Variants in ADGRD1 observed in about 807,000 individuals in gnomAD.
The protein encoded by ADGRD1 is adhesion G protein-coupled receptor D1.
Under a neutral mutation model 113.4 loss-of-function variants are expected in ADGRD1, and 77 were observed. That is an observed-to-expected ratio of 0.68 (90% confidence interval 0.57 to 0.82). The LOEUF is 0.82. ADGRD1 is among the 40% of genes least tolerant of loss of function. The pLI is 0.00. For synonymous variants in ADGRD1, 474 were observed against 475.0 expected (o/e 1.00, Z 0.03); for missense variants, 1,036 against 1,139.1 (o/e 0.91, Z 1.30).
intron 20 of ADGRD1, among the ~76,000 whole-genome samples, chr12:131,129,229 G>A (rs1464659791): frequency 1.5e-5 from 2 of 131,350 alleles, no homozygotes; most frequent in African/African-American, 2.9e-5. Context: ...GTCTGGGTGT[G>A]AGTGACAGGC....
chr12:131,007,804 G>A (rs1477520543), intron 12 of ADGRD1, among the ~76,000 whole-genome samples: 1 of 152,250 alleles, frequency 6.6e-6, no homozygotes, highest in Admixed American at 6.5e-5. Context: ...TTTTTCATTT[G>A]CAGTGAAGTT....
At chr12:131,106,650 G>A (rs535263769) in intron 17 of ADGRD1, among the ~76,000 whole-genome samples, 50 of 152,274 alleles carry the variant, frequency 3.3e-4, no homozygotes, top group Non-Finnish European at 6.3e-4. Flanking sequence ...CATGCCTAGC[G>A]GGTCAGCAGA....
chr12:130,987,428 C>G lies in ADGRD1; in HGVS notation c.745+79C>G. On this transcript the variant is annotated intron_variant, in intron 6 of 24. Coordinates refer to ENST00000261654, the MANE Select transcript of ADGRD1 (RefSeq NM_198827.5). ...CTGGTATCGGCCTCCTTTCTCCCCA[C>G]TCTCCCGTTGCAGCTATCAGCACTG... 5.9e-6 allele frequency: 9 copies of G among 1,535,396 alleles called. No homozygotes were observed. The South Asian group carries it at 9.4e-5, about 16-fold the overall frequency.
At position 131,084,688 on chromosome 12, in the gene ADGRD1, C is replaced by T. The variant is rs368653101; in HGVS notation, c.1671+25C>T. On this transcript the variant is annotated intron_variant, in intron 15 of 24. Coordinates refer to ENST00000261654, the MANE Select transcript of ADGRD1 (RefSeq NM_198827.5). The surrounding 1 kb of genome is among the most constrained non-coding windows in gnomAD (Gnocchi z 4.5). ...GGTAAGAGCCAGGCCTCAGGGGTCG[C>T]GGGACCTGGGGGACGTACCATGAGG... 1.6e-4 allele frequency: 251 copies of T among 1,612,534 alleles called. No homozygotes were observed. The highest frequency in any genetic ancestry group is 8.5e-4 in the East Asian group (38 of 44,836).
rs1275352256 is a variant in ADGRD1, at chr12:131,136,158, C to T, written c.2389C>T (p.Leu797=). The part of the protein sequence containing the change: ...FQYMFATLNS[L]QGLFIFLFHC... ...GTACATGTTTGCCACGCTCAACTCC[C>T]TGCAGGTGAGAGCCGCGGGGACTGG... Residue 797 remains leucine, a synonymous_variant, in exon 22 of 25, where the codon CTG becomes TTG. Coordinates refer to ENST00000261654, the MANE Select transcript of ADGRD1 (RefSeq NM_198827.5). 4 of 1,614,094 alleles carry T rather than the reference C, an allele frequency of 2.5e-6. No individual in the cohort carries two copies. The highest frequency in any genetic ancestry group is 1.6e-4 in the Middle Eastern group (1 of 6,062).
At chr12:131,090,506 C>T (rs1379539464) in intron 15 of ADGRD1, among the ~76,000 whole-genome samples, 1 of 152,156 alleles carries the variant, frequency 6.6e-6, no homozygotes, top group Non-Finnish European at 1.5e-5. Flanking sequence ...GCGGTTGTTT[C>T]GGGAAGCCCT....
chr12:130,983,992 A>T (rs952903044), intron 5 of ADGRD1, among the ~76,000 whole-genome samples: 6 of 152,166 alleles, frequency 3.9e-5, no homozygotes, highest in African/African-American at 1.4e-4. Context: ...ATGCTGGTTG[A>T]TGGAGGTTCC....
At chr12:131,092,294 A>G (rs1401657662) in intron 15 of ADGRD1, among the ~76,000 whole-genome samples, 1 of 152,194 alleles carries the variant, frequency 6.6e-6, no homozygotes, top group African/African-American at 2.4e-5. Flanking sequence ...GGTGCTGGGC[A>G]TGGGGACTGG....
chr12:131,134,363 G>T (rs754427482), intron 21 of ADGRD1, among the ~76,000 whole-genome samples: 1 of 152,228 alleles, frequency 6.6e-6, no homozygotes, highest in African/African-American at 2.4e-5. Flanking sequence ...AGCTCTGGCC[G>T]TGTTGAGAGT....
At chr12:131,121,120 C>T (rs550226455) in intron 20 of ADGRD1, among the ~76,000 whole-genome samples, 4 of 152,344 alleles carry the variant, frequency 2.6e-5, no homozygotes, top group South Asian at 2.1e-4. Flanking sequence ...GCTTTCCAGG[C>T]GGGTCCACTC....
At chr12:131,107,044 G>C (rs948717827) in intron 17 of ADGRD1, among the ~76,000 whole-genome samples, 2 of 152,250 alleles carry the variant, frequency 1.3e-5, no homozygotes, top group Non-Finnish European at 2.9e-5. Context: ...CAGCAGGAGG[G>C]GAGGCAGGTC....
chr12:131,095,865 G>C (rs574126893), intron 15 of ADGRD1, among the ~76,000 whole-genome samples: 6 of 152,348 alleles, frequency 3.9e-5, no homozygotes, highest in African/African-American at 1.2e-4. Flanking sequence ...GGACATACAG[G>C]AAGCTGGGGT....
intron 16 of ADGRD1, among the ~76,000 whole-genome samples, chr12:131,105,314 C>T (rs1292346972): frequency 1.3e-5 from 2 of 152,218 alleles, no homozygotes; most frequent in Admixed American, 6.5e-5. Context: ...ACTGTGATCA[C>T]GCCACGAGGC....
rs1307078533 is a variant in ADGRD1 at position 131,084,773 on chromosome 12, A to G, written c.1671+110A>G. ...AGTGCCCACGGGCCCTGGGCACATT[A>G]CTCCATGGGGCCTGTGTTTACAGAC... On this transcript the variant is annotated intron_variant, in intron 15 of 24. Transcript: ENST00000261654. The surrounding 1 kb of genome is among the most constrained non-coding windows in gnomAD (Gnocchi z 4.5). 2 of 1,137,902 alleles carry G rather than the reference A, an allele frequency of 1.8e-6. No homozygotes were observed. The highest frequency in any genetic ancestry group is 3.1e-5 in the African/African-American group (2 of 64,932). The allele number at this position is 1,137,902 out of a possible 1,614,324, so 70.5% of individuals were successfully genotyped here. A position where few individuals can be genotyped will look rare whatever the true frequency, so the allele number is the denominator to read the frequency against.
intron 14 of ADGRD1, among the ~76,000 whole-genome samples, chr12:131,078,669 C>T (rs1040643225): frequency 1.3e-5 from 2 of 151,990 alleles, no homozygotes; most frequent in Non-Finnish European, 2.9e-5. Context: ...ACCCATTGCC[C>T]CAAATTTATA....
chr12:130,954,688 C>T lies in ADGRD1; in HGVS notation c.103+28C>T. On this transcript the variant is annotated intron_variant, in intron 2 of 24. Coordinates refer to ENST00000261654, the MANE Select transcript of ADGRD1 (RefSeq NM_198827.5). The surrounding 1 kb of genome is among the most constrained non-coding windows in gnomAD (Gnocchi z 4.7). ...AAGAGTGTTTCCTTCTCACTCTGAG[C>T]ACCGCTCTCCCCCTGCCTAGTGCAG... The T allele has an allele frequency of 1.2e-6, 2 of 1,604,660 alleles. No homozygotes were observed. The highest frequency in any genetic ancestry group is 1.7e-6 in the Non-Finnish European group (2 of 1,172,782).
intron 20 of ADGRD1, 96 bp from the exon 21 acceptor site, chr12:131,131,629 G>A: frequency 1.2e-6 from 1 of 805,536 alleles, no homozygotes. Context: ...GGCTGGGCAG[G>A]GGTAGCCTGT....
rs1951230987 is a variant in ADGRD1, at chr12:131,140,961, T to C, written c.*1698T>C. ...GGCCGCTGTTCAGTGAAGAGTCCCA[T>C]GTTTAGTATGGACTAAAGTCCCATG... On this transcript the variant is annotated 3_prime_UTR_variant, in exon 25 of 25. Transcript: ENST00000261654. The C allele has an allele frequency of 6.6e-6, 1 of 152,268 alleles. No individual in the cohort carries two copies. Among genetic ancestry groups the C allele is most frequent in the African/African-American group, 2.4e-5 (1 of 41,470 alleles). 9.4% of individuals were successfully genotyped at this position (152,268 alleles called of 1,614,324 possible).
Position 131,075,900 on chromosome 12 carries a change from T to A in ADGRD1, c.1474-901T>A, listed in dbSNP as rs1230261945. On this transcript the variant is annotated intron_variant, in intron 13 of 24. Coordinates refer to ENST00000261654, the MANE Select transcript of ADGRD1 (RefSeq NM_198827.5). This position sits in a 1 kb window ranked among gnomAD's most constrained non-coding sequence, Gnocchi z 5.3. Reference sequence around the variant, plus strand: ...AGGCATCGGACAAATAAGAGATGCTTGACTTGACTGACTGGGAATCCATCA... The same window carrying A: ...AGGCATCGGACAAATAAGAGATGCTAGACTTGACTGACTGGGAATCCATCA... Among the ~76,000 whole-genome samples the A allele has an allele frequency of 6.6e-6, 1 of 152,136 alleles. No individual in the cohort carries two copies. The highest frequency in any genetic ancestry group is 2.4e-5 in the African/African-American group (1 of 41,424).
Sources: allele counts gnomAD v4.1 joint callset (sites outside exome capture counted in the v4.1 genomes callset), GRCh38; gene constraint gnomAD v4.1.1; non-coding constraint Gnocchi (gnomAD v3.1); transcripts MANE v1.5; gene names NCBI Gene and HGNC (gene_info 2026-07-23, HGNC 2026-07-21).